LRRTM4: variants seen among roughly 807,000 people sequenced by gnomAD.
The protein encoded by LRRTM4 is leucine rich repeat transmembrane neuronal 4, also known as leucine-rich repeat transmembrane neuronal protein 4.
In LRRTM4, 25 loss-of-function variants were observed where a neutral mutation model predicts 47.6. That is an observed-to-expected ratio of 0.53 (90% CI 0.38 to 0.73). LRRTM4 has a LOEUF of 0.73. Ranked by LOEUF, LRRTM4 falls within the 30% of genes least tolerant of loss-of-function variation. The pLI is 0.00. For missense variants in LRRTM4, 638 were observed against 713.4 expected (o/e 0.89, Z 1.20); for synonymous variants, 311 against 269.5 (o/e 1.15, Z -1.51).
At chr2:76,961,643 G>A (rs1216631595) in intron 3 of LRRTM4, among the ~76,000 whole-genome samples, 2 of 151,196 alleles carry the variant, frequency 1.3e-5, no homozygotes, top group African/African-American at 2.4e-5. Flanking sequence ...TAGATTCCCA[G>A]GGCTACTATT....
chr2:77,262,639 G>A (rs1046007702), intron 3 of LRRTM4, among the ~76,000 whole-genome samples: 2 of 151,260 alleles, frequency 1.3e-5, no homozygotes, highest in South Asian at 2.1e-4. Context: ...GGTACTGATT[G>A]GGCATTTTGT....
At chr2:77,361,090 A>G (rs1672190826) in intron 3 of LRRTM4, among the ~76,000 whole-genome samples, 1 of 152,042 alleles carries the variant, frequency 6.6e-6, no homozygotes, top group Admixed American at 6.5e-5. Context: ...CTGGATTCTA[A>G]GCTATGCCAG....
intron 3 of LRRTM4, among the ~76,000 whole-genome samples, chr2:77,146,538 T>G (rs1026369654): frequency 6.6e-6 from 1 of 152,140 alleles, no homozygotes; most frequent in African/African-American, 2.4e-5. Flanking sequence ...CTTTGAAAAT[T>G]ATCAAACAAT....
chr2:77,042,943 T>C (rs1679086565), intron 3 of LRRTM4, among the ~76,000 whole-genome samples: 1 of 150,722 alleles, frequency 6.6e-6, no homozygotes, highest in South Asian at 2.1e-4. Context: ...TCTAGAGTTA[T>C]CAGGGTGAAG....
chr2:77,071,184 C>T (rs557064856), intron 3 of LRRTM4, among the ~76,000 whole-genome samples: 148 of 152,178 alleles, frequency 9.7e-4, no homozygotes, highest in African/African-American at 3.3e-3. Flanking sequence ...TCGCAAAGGA[C>T]GTAAAAATGA....
intron 3 of LRRTM4, among the ~76,000 whole-genome samples, chr2:77,088,727 C>T (rs1282058009): frequency 6.6e-6 from 1 of 152,172 alleles, no homozygotes; most frequent in Admixed American, 6.5e-5. Context: ...ATCAATCCCC[C>T]GTCCTCCTGC....
At chr2:77,075,064 T>C (rs1183159988) in intron 3 of LRRTM4, among the ~76,000 whole-genome samples, 1 of 152,186 alleles carries the variant, frequency 6.6e-6, no homozygotes, top group African/African-American at 2.4e-5. Context: ...TATTCTTGCA[T>C]AAAAATTTAA....
chr2:77,033,381 A>G (rs998469893), intron 3 of LRRTM4, among the ~76,000 whole-genome samples: 3 of 151,684 alleles, frequency 2.0e-5, no homozygotes, highest in African/African-American at 7.2e-5. Flanking sequence ...GACATTTTCC[A>G]TTAGTAGTAT....
At chr2:77,498,391 C>A (rs1678444054) in intron 3 of LRRTM4, among the ~76,000 whole-genome samples, 1 of 151,824 alleles carries the variant, frequency 6.6e-6, no homozygotes. Flanking sequence ...TTTCCTCCTG[C>A]ACATTTTCAT....
intron 3 of LRRTM4, among the ~76,000 whole-genome samples, chr2:77,157,949 A>T (rs912221420): frequency 2.0e-5 from 3 of 152,168 alleles, no homozygotes; most frequent in Non-Finnish European, 4.4e-5. Context: ...AAAGAAAGGG[A>T]TGGGTGGGAG....
intron 3 of LRRTM4, among the ~76,000 whole-genome samples, chr2:76,893,059 A>C (rs1339203709): frequency 5.1e-5 from 3 of 59,078 alleles, no homozygotes; most frequent in Admixed American, 4.5e-4. Context: ...AAAACAAGCA[A>C]AAAAAAAAAA....
chr2:77,520,966 A>T (rs1304703706), intron 2 of LRRTM4, among the ~76,000 whole-genome samples: 1 of 152,022 alleles, frequency 6.6e-6, no homozygotes, highest in Non-Finnish European at 1.5e-5. Context: ...TAAATTTTTA[A>T]ATTTTTAACC....
At chr2:77,266,413 A>G (rs1676051519) in intron 3 of LRRTM4, among the ~76,000 whole-genome samples, 1 of 152,184 alleles carries the variant, frequency 6.6e-6, no homozygotes, top group Admixed American at 6.6e-5. Flanking sequence ...CATTTCCCAA[A>G]TACCAAAAGT....
intron 3 of LRRTM4, among the ~76,000 whole-genome samples, chr2:77,116,989 A>T (rs1671406016): frequency 1.3e-5 from 2 of 151,914 alleles, no homozygotes; most frequent in Non-Finnish European, 2.9e-5. Flanking sequence ...GCCCCAGGCC[A>T]ACTACTTCCT....
At chr2:77,089,982 TA>T (rs1442432233) in intron 3 of LRRTM4, among the ~76,000 whole-genome samples, 1 of 152,034 alleles carries the variant, frequency 6.6e-6, no homozygotes, top group Non-Finnish European at 1.5e-5. Flanking sequence ...CCCTCAGTAC[TA>T]ACCCCAAGCA....
rs560063254 is a variant in LRRTM4, at chr2:77,517,672, A to G, written c.1551+646T>C. 3.8e-5 allele frequency: 37 copies of G among 975,502 alleles called. No individual in the cohort carries two copies. In the South Asian group the frequency reaches 1.6e-3, roughly 41 times the overall value. 60.4% of individuals were successfully genotyped at this position (975,502 alleles called of 1,614,324 possible). A position where few individuals can be genotyped will look rare whatever the true frequency, so the allele number is the denominator to read the frequency against. On this transcript the variant is annotated intron_variant, in intron 3 of 3. Transcript: ENST00000409884. The stretch of plus-strand genomic sequence containing the variant: ...GAGAAAGGAAGGAAAGGAAGGAGTG[A>G]AAGAAAGTAGGAAAGAAGGAAACAA...
chr2:76,944,149 A>G (rs58857453), intron 3 of LRRTM4, among the ~76,000 whole-genome samples: 1 of 151,976 alleles, frequency 6.6e-6, no homozygotes, highest in Non-Finnish European at 1.5e-5. Flanking sequence ...TATTCTGGAT[A>G]TTCGAGTCAC....
At chr2:76,778,132 CT>C (rs1674139785) in intron 3 of LRRTM4, among the ~76,000 whole-genome samples, 1 of 145,056 alleles carries the variant, frequency 6.9e-6, no homozygotes, top group Non-Finnish European at 1.5e-5. Flanking sequence ...GGTGGATAAG[CT>C]TTTTGATGTG....
Position 77,354,819 on chromosome 2 carries a change from C to T in LRRTM4, c.1551+163499G>A, listed in dbSNP as rs369430540. 4.1e-4 allele frequency among the ~76,000 whole-genome samples: 63 copies of T among 152,312 alleles called. No homozygotes were observed. In the South Asian group the frequency reaches 0.013, roughly 31 times the overall value. On this transcript the variant is annotated intron_variant, in intron 3 of 3. Transcript: ENST00000409884. ...CCCAGCTCTTCTACCTCTCAATCTA[C>T]AGGCAAATGGCAGTGCTCAGAACAG...
Sources: allele counts gnomAD v4.1 joint callset (sites outside exome capture counted in the v4.1 genomes callset), GRCh38; gene constraint gnomAD v4.1.1; transcripts MANE v1.5; gene names NCBI Gene and HGNC (gene_info 2026-07-23, HGNC 2026-07-21).